Variants in HGSNAT observed in about 807,000 individuals in gnomAD.
The protein encoded by HGSNAT is heparan-alpha-glucosaminide N-acetyltransferase, also known as transmembrane protein 76.
HGSNAT carries 59 observed loss-of-function variants against 85.2 expected under a neutral mutation model. That is an observed-to-expected ratio of 0.69 (90% CI 0.56 to 0.86). HGSNAT has a LOEUF of 0.86. HGSNAT is among the 40% of genes least tolerant of loss of function. The pLI is 0.00. For synonymous variants in HGSNAT, 321 were observed against 304.5 expected (o/e 1.05, Z -0.56); for missense variants, 756 against 777.1 (o/e 0.97, Z 0.32).
chr8:43,196,645 C>A, intron 14 of HGSNAT: 1 of 766,638 alleles, frequency 1.3e-6, no homozygotes. Context: ...TGCCTGCTGC[C>A]CCATTCTGCT....
chr8:43,196,034 C>G (rs1804716628), intron 14 of HGSNAT: 1 of 183,376 alleles, frequency 5.5e-6, no homozygotes, highest in Non-Finnish European at 1.2e-5. Flanking sequence ...CTAGGTAGAT[C>G]ACTGGAGCGG....
intron 11 of HGSNAT, among the ~76,000 whole-genome samples, chr8:43,183,769 A>C (rs2130787273): frequency 6.6e-6 from 1 of 152,218 alleles, no homozygotes; most frequent in East Asian, 1.9e-4. Context: ...ATATCCCCTA[A>C]TGCTATACCT....
In HGSNAT at chr8:43,192,354, G is replaced by A. The variant is rs774159592; in HGVS notation, c.1301G>A (p.Cys434Tyr). Residue 434 changes from cysteine (C) to tyrosine (Y), a missense_variant, in exon 13 of 18, where the codon TGC becomes TAC. Coordinates refer to ENST00000379644, the MANE Select transcript of HGSNAT (RefSeq NM_152419.3). Reference sequence around the variant, plus strand: ...GGAGATTTTGGCAAGTATCCAAATTGCACTGGAGGAGCTGCAGGCTACATC... The same window carrying A: ...GGAGATTTTGGCAAGTATCCAAATTACACTGGAGGAGCTGCAGGCTACATC... Reference protein sequence around the residue: ...GIGDFGKYPNCTGGAAGYIDR... With the variant: ...GIGDFGKYPNYTGGAAGYIDR... 1 of 1,612,058 alleles carries A rather than the reference G, an allele frequency of 6.2e-7. No individual in the cohort carries two copies. Among genetic ancestry groups the A allele is most frequent in the Non-Finnish European group, 8.5e-7 (1 of 1,179,284 alleles).
chr8:43,161,792 C>T (rs769969138), intron 5 of HGSNAT, among the ~76,000 whole-genome samples: 3 of 152,160 alleles, frequency 2.0e-5, no homozygotes, highest in Admixed American at 6.5e-5. Context: ...CTAAAGCATC[C>T]GACTTTTTAA....
chr8:43,177,414 C>G (rs1005085956), intron 9 of HGSNAT, among the ~76,000 whole-genome samples: 22 of 151,804 alleles, frequency 1.4e-4, no homozygotes, highest in African/African-American at 5.3e-4. Context: ...GAAAATTAGC[C>G]GGGCACGGTG....
At chr8:43,150,799 A>G (rs934083235) in intron 2 of HGSNAT, among the ~76,000 whole-genome samples, 1 of 151,924 alleles carries the variant, frequency 6.6e-6, no homozygotes, top group East Asian at 1.9e-4. Context: ...GCGCCACTGC[A>G]CTCCAGCCTG....
rs1804620479 is a variant in HGSNAT, at chr8:43,193,795, C to T, written c.1416C>T (p.Gly472=). 1 of 1,613,860 alleles carries T rather than the reference C, an allele frequency of 6.2e-7. No individual in the cohort carries two copies. Among genetic ancestry groups the T allele is most frequent in the East Asian group, 2.2e-5 (1 of 44,886 alleles). ...YHTEVAYDPE[G]ILGTINSIVM... ...CCGAGGTGGCCTATGACCCCGAGGG[C>T]ATCCTGGGCACCATCAACTCCATCG... The change falls in exon 14 of 18, where the codon GGC becomes GGT. Residue 472 remains glycine, a synonymous_variant. Transcript: ENST00000379644.
At chr8:43,193,338 A>G (rs1175603805) in intron 13 of HGSNAT, among the ~76,000 whole-genome samples, 1 of 152,222 alleles carries the variant, frequency 6.6e-6, no homozygotes, top group African/African-American at 2.4e-5. Flanking sequence ...ACATATTTAA[A>G]AATGTTATTT....
At chr8:43,197,335 C>T (rs1321913541) in intron 15 of HGSNAT, 2 of 526,856 alleles carry the variant, frequency 3.8e-6, no homozygotes, top group African/African-American at 1.9e-5. Flanking sequence ...GACCAGGTTG[C>T]AGACATCAAC....
intron 1 of HGSNAT, among the ~76,000 whole-genome samples, chr8:43,142,076 G>GA (rs374991332): frequency 2.8e-3 from 404 of 146,834 alleles, no homozygotes; most frequent in Non-Finnish European, 5.0e-3. Context: ...TTTGCTTGAA[G>GA]AAAAAAAAAA....
intron 13 of HGSNAT, among the ~76,000 whole-genome samples, chr8:43,193,479 A>C (rs1471863831): frequency 6.6e-6 from 1 of 152,184 alleles, no homozygotes; most frequent in Admixed American, 6.5e-5. Flanking sequence ...CAAGGCCTGG[A>C]GCCAGCGCTG....
chr8:43,192,167 A>G (rs1463118881), intron 12 of HGSNAT, 137 bp from the exon 13 acceptor site: 6 of 893,822 alleles, frequency 6.7e-6, no homozygotes, highest in Non-Finnish European at 4.9e-6. Context: ...ACCTCAGGTG[A>G]TCTGCCCGCC....
At chr8:43,170,734 C>A in intron 7 of HGSNAT, 40 bp downstream of exon 7, 1 of 1,249,134 alleles carries the variant, frequency 8.0e-7, no homozygotes, top group Non-Finnish European at 1.1e-6. Flanking sequence ...TGCAGGTAGT[C>A]ACAGGACTAC....
intron 1 of HGSNAT, among the ~76,000 whole-genome samples, chr8:43,144,041 C>T (rs1013495263): frequency 2.0e-5 from 3 of 151,910 alleles, no homozygotes; most frequent in South Asian, 2.1e-4. Flanking sequence ...CTCTTGGGCC[C>T]GGTGTGGTGG....
intron 6 of HGSNAT, 135 bp downstream of exon 6, chr8:43,169,377 T>C (rs964805469): frequency 2.6e-5 from 14 of 536,990 alleles, no homozygotes; most frequent in African/African-American, 1.2e-4. Flanking sequence ...GTATTCCTAA[T>C]AGAGAGCAGC....
chr8:43,151,927 T>G (rs1802934456), intron 2 of HGSNAT, among the ~76,000 whole-genome samples: 1 of 152,310 alleles, frequency 6.6e-6, no homozygotes, highest in South Asian at 2.1e-4. Context: ...GTTACCTAGC[T>G]GTTAGGTGGC....
At chr8:43,178,978 C>T (rs1586734303) in intron 10 of HGSNAT, among the ~76,000 whole-genome samples, 1 of 148,234 alleles carries the variant, frequency 6.7e-6, no homozygotes, top group Non-Finnish European at 1.5e-5. Context: ...TTTCTTAGTA[C>T]AGAACAAAAT....
At chr8:43,149,595 G>A (rs1013701740) in intron 2 of HGSNAT, among the ~76,000 whole-genome samples, 1 of 151,826 alleles carries the variant, frequency 6.6e-6, no homozygotes, top group African/African-American at 2.4e-5. Flanking sequence ...AGCTACTCAG[G>A]AGGCTGAGGC....
At chr8:43,189,290 A>G (rs1804439079) in intron 11 of HGSNAT, among the ~76,000 whole-genome samples, 1 of 152,110 alleles carries the variant, frequency 6.6e-6, no homozygotes. Context: ...ACTCAGTTCA[A>G]GCTCCCCACC....
Sources: allele counts gnomAD v4.1 joint callset (sites outside exome capture counted in the v4.1 genomes callset), GRCh38; gene constraint gnomAD v4.1.1; transcripts MANE v1.5; gene names NCBI Gene and HGNC (gene_info 2026-07-23, HGNC 2026-07-21).